Variants in ELP4 observed in about 807,000 individuals in gnomAD.
ELP4 encodes elongator complex protein 4.
A neutral mutation model predicts 48.9 loss-of-function variants in ELP4; 51 were observed. The ratio of observed to expected loss-of-function variants is 1.04; its 90% confidence interval spans 0.83 to 1.32. The LOEUF is 1.32. ELP4 is among the 40% of genes most tolerant of loss of function. The pLI, the probability that ELP4 is intolerant of heterozygous loss-of-function variation, is 0.00. For synonymous variants in ELP4, 210 were observed against 189.2 expected (o/e 1.11, Z -0.90); for missense variants, 519 against 514.6 (o/e 1.01, Z -0.08).
At chr11:31,519,796 C>T (rs1956182391) in intron 1 of ELP4, among the ~76,000 whole-genome samples, 1 of 149,874 alleles carries the variant, frequency 6.7e-6, no homozygotes, top group Admixed American at 6.7e-5. Context: ...TGCCACTGCA[C>T]TCCAGCGTGA....
intron 9 of ELP4, among the ~76,000 whole-genome samples, chr11:31,679,886 G>C (rs566310548): frequency 3.9e-5 from 6 of 152,286 alleles, no homozygotes. Context: ...CTGAAATCTT[G>C]ACAGTATTGT....
chr11:31,673,177 C>T (rs1193475459), intron 9 of ELP4, among the ~76,000 whole-genome samples: 3 of 151,854 alleles, frequency 2.0e-5, no homozygotes, highest in East Asian at 1.9e-4. Flanking sequence ...CCACCATGTC[C>T]GGCTAATTTT....
chr11:31,746,124 A>G (rs1468969484), intron 9 of ELP4, among the ~76,000 whole-genome samples: 21 of 152,234 alleles, frequency 1.4e-4, no homozygotes, highest in Middle Eastern at 3.2e-3. Context: ...GCAGCCAAAA[A>G]ACACATGAAA....
Position 31,790,137 on chromosome 11 carries a change from T to C in ELP4, c.*6613T>C. On this transcript the variant is annotated 3_prime_UTR_variant, in exon 10 of 10. Transcript: ENST00000640961. The stretch of plus-strand genomic sequence containing the variant: ...AAAAAAAAACTAATACTTTCTAACA[T>C]TTTTTACTGTATTAAAATCACTTCA... 1 of 720,328 alleles carries C rather than the reference T, an allele frequency of 1.4e-6. No homozygotes were observed. 44.6% of individuals were successfully genotyped at this position (720,328 alleles called of 1,614,324 possible).
Position 31,672,713 on chromosome 11 carries a change from C to T in ELP4, c.1143+22492C>T, listed in dbSNP as rs373648471. Among the ~76,000 whole-genome samples, 304 of 152,150 alleles carry T rather than the reference C, an allele frequency of 2.0e-3. 1 individual carries two copies. Among genetic ancestry groups the T allele is most frequent in the African/African-American group, 6.9e-3 (287 of 41,510 alleles). On this transcript the variant is annotated intron_variant, in intron 9 of 9. Coordinates refer to ENST00000640961, the MANE Select transcript of ELP4 (RefSeq NM_019040.5). ...AGGCTGAGGTAGGATCACCTGAGCC[C>T]GGGAGGTCAAGGCTATGGTGAGCCA...
At chr11:31,719,728 G>A (rs1351240053) in intron 9 of ELP4, 1 of 344,598 alleles carries the variant, frequency 2.9e-6, no homozygotes, top group Non-Finnish European at 5.2e-6. Context: ...AACAAATACT[G>A]ACTTTTCGCT....
At chr11:31,689,444 TAAAA>T (rs35318641) in intron 9 of ELP4, 2 of 132,492 alleles carry the variant, frequency 1.5e-5, no homozygotes, top group Non-Finnish European at 1.6e-5. Context: ...AACCTGTCTT[TAAAA>T]AAAAAAAAAA....
At position 31,670,185 on chromosome 11, in the gene ELP4, T is replaced by G. The variant is rs372855718; in HGVS notation, c.1143+19964T>G. On this transcript the variant is annotated intron_variant, in intron 9 of 9. Transcript: ENST00000640961. ...TCTATATTATCTCTTCCTCTTGCCT[T>G]TATAGACATATGGTAGTGATTCAGT... Among the ~76,000 whole-genome samples, 4 of 152,310 alleles carry G rather than the reference T, an allele frequency of 2.6e-5. No individual in the cohort carries two copies. The East Asian group carries it at 7.7e-4, about 29-fold the overall frequency.
intron 9 of ELP4, among the ~76,000 whole-genome samples, chr11:31,713,195 C>T (rs1019659439): frequency 2.0e-5 from 3 of 151,920 alleles, no homozygotes; most frequent in East Asian, 1.9e-4. Context: ...ATCAATTTTC[C>T]GTAAAATGAT....
At chr11:31,639,424 A>T (rs1015618923) in intron 7 of ELP4, among the ~76,000 whole-genome samples, 3 of 151,892 alleles carry the variant, frequency 2.0e-5, no homozygotes, top group Non-Finnish European at 4.4e-5. Flanking sequence ...CAGTCCTTCT[A>T]CCATAGACTT....
At chr11:31,646,793 A>C (rs952246046) in intron 7 of ELP4, 2 of 151,672 alleles carry the variant, frequency 1.3e-5, no homozygotes, top group African/African-American at 4.8e-5. Context: ...TGTCTAAGAC[A>C]TCATAGCATA....
At chr11:31,669,424 A>G (rs79918930) in intron 9 of ELP4, among the ~76,000 whole-genome samples, 3,885 of 152,200 alleles carry the variant, frequency 0.026, 109 homozygotes, top group African/African-American at 0.066. Context: ...CTTTTCTGCA[A>G]TAGATCAATC....
At chr11:31,758,745 C>T (rs1297689084) in intron 9 of ELP4, among the ~76,000 whole-genome samples, 1 of 150,626 alleles carries the variant, frequency 6.6e-6, no homozygotes. Context: ...CAGCTCACAG[C>T]AAACTCCACC....
intron 9 of ELP4, among the ~76,000 whole-genome samples, chr11:31,772,171 G>A (rs1301078994): frequency 3.7e-5 from 5 of 136,242 alleles, no homozygotes; most frequent in African/African-American, 8.4e-5. Flanking sequence ...CCAGGCTGGT[G>A]TACAGTGGCG....
chr11:31,656,705 G>A (rs1010658843), intron 9 of ELP4, among the ~76,000 whole-genome samples: 3 of 151,938 alleles, frequency 2.0e-5, no homozygotes, highest in Non-Finnish European at 4.4e-5. Context: ...TACCTGTAAT[G>A]CAGTTATCTC....
chr11:31,521,871 A>G (rs1358494099), intron 2 of ELP4, among the ~76,000 whole-genome samples: 1 of 152,178 alleles, frequency 6.6e-6, no homozygotes, highest in Non-Finnish European at 1.5e-5. Flanking sequence ...ATGCCATTTA[A>G]TCATTTTGGT....
intron 3 of ELP4, among the ~76,000 whole-genome samples, chr11:31,546,096 C>G (rs2133917966): frequency 6.6e-6 from 1 of 151,710 alleles, no homozygotes; most frequent in South Asian, 2.1e-4. Context: ...AAATAACCAG[C>G]TAACATTATA....
chr11:31,674,079 A>C (rs1945866548), intron 9 of ELP4, among the ~76,000 whole-genome samples: 1 of 152,198 alleles, frequency 6.6e-6, no homozygotes, highest in African/African-American at 2.4e-5. Context: ...TGACCTTTGG[A>C]GGTATCTTTC....
chr11:31,746,444 T>C (rs1191200581), intron 9 of ELP4, among the ~76,000 whole-genome samples: 3 of 152,184 alleles, frequency 2.0e-5, no homozygotes, highest in Non-Finnish European at 4.4e-5. Context: ...CACACGTGTG[T>C]TTATTGCGTC....
Sources: gnomAD v4.1 joint callset for allele counts (sites outside exome capture counted in the v4.1 genomes callset) on GRCh38, gnomAD v4.1.1 for gene constraint, MANE v1.5 for transcripts, NCBI Gene and HGNC (gene_info 2026-07-23, HGNC 2026-07-21) for gene names.